EML6: variants seen among roughly 807,000 people sequenced by gnomAD.
The protein encoded by EML6 is EMAP like 6, also known as echinoderm microtubule-associated protein-like 6.
EML6 carries 154 observed loss-of-function variants against 240.1 expected under a neutral mutation model. The ratio of observed to expected loss-of-function variants is 0.64; its 90% CI spans 0.56 to 0.73. The LOEUF (loss-of-function observed/expected upper bound fraction) is 0.73, where lower values mean the gene tolerates loss of function less well. Ranked by LOEUF, EML6 falls within the 30% of genes least tolerant of loss-of-function variation. The pLI is 0.00. For missense variants in EML6, 2,964 were observed against 2,474.6 expected, an observed-to-expected ratio of 1.20 and a Z score of -4.20; for synonymous variants, 1,148 against 899.0, an observed-to-expected ratio of 1.28 and a Z score of -4.95.
rs932655905 is a variant in EML6, at chr2:54,970,394, A to G, written c.*299A>G. ...ACAAAGAAATCCTATCTGATAATGT[A>G]GCCCGCTGACGAATTTTGAAGCCTC... On this transcript the variant is annotated 3_prime_UTR_variant, in exon 42 of 42. Transcript: ENST00000356458. The G allele has an allele frequency of 2.7e-6, 1 of 366,484 alleles. No individual in the cohort carries two copies. The highest frequency in any genetic ancestry group is 5.0e-6 in the Non-Finnish European group (1 of 199,888). The allele number at this position is 366,484 out of a possible 1,614,324, so 22.7% of individuals were successfully genotyped here.
rs1300057837 is a variant in EML6, at chr2:54,813,233, C to G, written c.199C>G (p.Leu67Val). 1.3e-6 allele frequency: 2 copies of G among 1,543,814 alleles called. No individual in the cohort carries two copies. Among genetic ancestry groups the G allele is most frequent in the African/African-American group, 1.4e-5 (1 of 72,866 alleles). The part of the protein sequence containing the change: ...FLGHNDDIIS[L>V]ALHPDKTLVA... ...GAAAAGAAACCTTTTCTCTTTCAGCCTTGCCTTACACCCAGACAAAACTCT... is the reference window on the plus strand; with the variant it reads ...GAAAAGAAACCTTTTCTCTTTCAGCGTTGCCTTACACCCAGACAAAACTCT... Residue 67 changes from leucine (L) to valine (V), a missense_variant and splice_region_variant, in exon 3 of 42, where the codon CTT becomes GTT. Transcript: ENST00000356458.
chr2:54,904,424 G>T (rs1417762164), intron 24 of EML6, among the ~76,000 whole-genome samples: 1 of 152,182 alleles, frequency 6.6e-6, no homozygotes, highest in African/African-American at 2.4e-5. Flanking sequence ...GAAGCACCAA[G>T]CCCAATGTAT....
At chr2:54,957,225 A>G (rs1377914876) in intron 32 of EML6, among the ~76,000 whole-genome samples, 2 of 152,180 alleles carry the variant, frequency 1.3e-5, no homozygotes, top group Non-Finnish European at 2.9e-5. Flanking sequence ...AAGGTTAAAT[A>G]AAACTCAGGA....
chr2:54,964,377 A>G (rs747639118), intron 37 of EML6, among the ~76,000 whole-genome samples, 194 bp from the exon 38 acceptor site: 1 of 152,250 alleles, frequency 6.6e-6, no homozygotes, highest in Non-Finnish European at 1.5e-5. Context: ...ATGTCATTCT[A>G]CATATTTCCC....
intron 18 of EML6, 82 bp from the exon 19 acceptor site, chr2:54,892,372 T>A: frequency 4.7e-6 from 4 of 846,904 alleles, no homozygotes; most frequent in Non-Finnish European, 7.5e-6. Context: ...AGACACCAGG[T>A]TTCTCATGGA....
intron 33 of EML6, 29 bp from the exon 34 acceptor site, chr2:54,959,075 G>T (rs1270762585): frequency 2.6e-6 from 4 of 1,537,428 alleles, no homozygotes; most frequent in African/African-American, 2.7e-5. Flanking sequence ...AGTGTGTTCC[G>T]GGTGTAGAAG....
intron 2 of EML6, among the ~76,000 whole-genome samples, chr2:54,795,020 C>G (rs981707667): frequency 6.6e-6 from 1 of 152,182 alleles, no homozygotes; most frequent in Non-Finnish European, 1.5e-5. Context: ...AATTTTACCA[C>G]GCCATTCTTA....
intron 41 of EML6, 23 bp from the exon 42 acceptor site, chr2:54,970,048 G>A (rs1558738043): frequency 6.4e-7 from 1 of 1,551,600 alleles, no homozygotes. Flanking sequence ...TATGCAAAAT[G>A]ACTGTTTGAT....
intron 26 of EML6, among the ~76,000 whole-genome samples, chr2:54,920,118 T>G (rs1321708821): frequency 6.6e-6 from 1 of 151,732 alleles, no homozygotes; most frequent in Non-Finnish European, 1.5e-5. Context: ...TTCAGAAAAC[T>G]AGGAAAAGAA....
At chr2:54,875,642 A>G (rs1433647165) in intron 16 of EML6, among the ~76,000 whole-genome samples, 1 of 152,258 alleles carries the variant, frequency 6.6e-6, no homozygotes, top group African/African-American at 2.4e-5. Flanking sequence ...AGACATTTTT[A>G]GTCAAAAACA....
At chr2:54,790,030 C>A (rs1442315185) in intron 2 of EML6, among the ~76,000 whole-genome samples, 1 of 152,178 alleles carries the variant, frequency 6.6e-6, no homozygotes, top group Non-Finnish European at 1.5e-5. Context: ...GAAAAATGCA[C>A]AGGTAACCTG....
At chr2:54,946,662 A>G (rs1207825952) in intron 28 of EML6, among the ~76,000 whole-genome samples, 2 of 152,198 alleles carry the variant, frequency 1.3e-5, no homozygotes, top group African/African-American at 4.8e-5. Flanking sequence ...CTTTGGAGGC[A>G]GGGAATTGTC....
At chr2:54,884,929 T>C (rs894352980) in intron 17 of EML6, among the ~76,000 whole-genome samples, 1 of 152,172 alleles carries the variant, frequency 6.6e-6, no homozygotes, top group Non-Finnish European at 1.5e-5. Context: ...ATCCCAGCAC[T>C]CTGGGAGGCT....
intron 28 of EML6, among the ~76,000 whole-genome samples, chr2:54,945,479 C>T (rs751438724): frequency 6.6e-6 from 1 of 151,970 alleles, no homozygotes; most frequent in African/African-American, 2.4e-5. Context: ...CTGAGTTTCC[C>T]CACACTCACA....
At position 54,892,620 on chromosome 2, in the gene EML6, T is replaced by C. The variant is rs1672532751; in HGVS notation, c.2706T>C (p.His902=). The change falls in exon 19 of 42, where the codon CAT becomes CAC. Residue 902 remains histidine, a synonymous_variant. Coordinates refer to ENST00000356458, the MANE Select transcript of EML6 (RefSeq NM_001039753.4). ...DILLLKTVKA[H]DGPVFAMYAL... ...TACTACTGAAGACAGTGAAAGCTCA[T>C]GATGGGCCTGTGTTTGCTATGTATG... The C allele has an allele frequency of 1.9e-6, 3 of 1,551,672 alleles. No homozygotes were observed. Among genetic ancestry groups the C allele is most frequent in the Non-Finnish European group, 1.7e-6 (2 of 1,146,868 alleles).
intron 10 of EML6, among the ~76,000 whole-genome samples, chr2:54,850,732 T>C (rs1161357051): frequency 1.6e-4 from 25 of 152,320 alleles, no homozygotes; most frequent in Admixed American, 1.2e-3. Context: ...GGAAACCACA[T>C]ATACTGCTGG....
chr2:54,740,941 T>G (rs928880545), intron 2 of EML6, among the ~76,000 whole-genome samples: 7 of 152,322 alleles, frequency 4.6e-5, no homozygotes, highest in Non-Finnish European at 1.0e-4. Flanking sequence ...AGAAGAGATA[T>G]AAATTCTATA....
intron 28 of EML6, among the ~76,000 whole-genome samples, chr2:54,939,925 G>A (rs999575814): frequency 2.0e-5 from 3 of 152,322 alleles, no homozygotes; most frequent in Middle Eastern, 3.4e-3. Flanking sequence ...AAGCAAACAC[G>A]AGGAGGCGGT....
intron 2 of EML6, among the ~76,000 whole-genome samples, chr2:54,757,895 T>C (rs1667811343): frequency 6.6e-6 from 1 of 151,996 alleles, no homozygotes; most frequent in Non-Finnish European, 1.5e-5. Flanking sequence ...TTTTTTTTTT[T>C]TTCTTCAAGG....
Sources: allele counts gnomAD v4.1 joint callset (sites outside exome capture counted in the v4.1 genomes callset), GRCh38; gene constraint gnomAD v4.1.1; transcripts MANE v1.5; gene names NCBI Gene and HGNC (gene_info 2026-07-23, HGNC 2026-07-21).